Variants in PHACTR1 observed in about 807,000 individuals in gnomAD.
The protein encoded by PHACTR1 is RPEL repeat containing 1.
A neutral mutation model predicts 69.2 loss-of-function variants in PHACTR1; 16 were observed. The observed-to-expected ratio is 0.23, with a 90% confidence interval of 0.16 to 0.35. The LOEUF (loss-of-function observed/expected upper bound fraction) is 0.35, where lower values mean the gene tolerates loss of function less well. Among genes scored for constraint, PHACTR1 ranks in the 10% least tolerant of loss-of-function variants. The pLI is 1.00. For synonymous variants in PHACTR1, 312 were observed against 284.5 expected (o/e 1.10, Z -0.97); for missense variants, 510 against 734.7 (o/e 0.69, Z 3.54).
chr6:13,250,260 A>G (rs1296172079), intron 10 of PHACTR1, among the ~76,000 whole-genome samples: 1 of 152,248 alleles, frequency 6.6e-6, no homozygotes, highest in Non-Finnish European at 1.5e-5. Context: ...CTATTTAGAA[A>G]GTGCATGTGC....
chr6:13,170,466 T>G lies in PHACTR1; in HGVS notation c.496+10182T>G, dbSNP rs1760438585. 3.9e-5 allele frequency among the ~76,000 whole-genome samples: 6 copies of G among 152,300 alleles called. No homozygotes were observed. The South Asian group carries it at 1.2e-3, about 32-fold the overall frequency. ...ATGCCTCATCCACATGTCCCCGGCC[T>G]TCCAATGCTCTATTACTCCCCAGCC... On this transcript the variant is annotated intron_variant, in intron 6 of 14. Transcript: ENST00000332995.
chr6:12,976,913 T>C (rs552814919), intron 4 of PHACTR1, among the ~76,000 whole-genome samples: 1 of 152,342 alleles, frequency 6.6e-6, no homozygotes, highest in Non-Finnish European at 1.5e-5. Flanking sequence ...AATTTTATTA[T>C]AGATATGTAT....
At chr6:13,063,111 G>T (rs1348393389) in intron 5 of PHACTR1, among the ~76,000 whole-genome samples, 4 of 152,090 alleles carry the variant, frequency 2.6e-5, no homozygotes, top group African/African-American at 4.8e-5. Context: ...ATTCATAAAG[G>T]ATACCAGCTT....
chr6:12,909,642 G>A (rs7454157), intron 4 of PHACTR1, among the ~76,000 whole-genome samples: 64,377 of 151,998 alleles, frequency 0.42, 14,739 homozygotes, highest in African/African-American at 0.59. Flanking sequence ...AAATACAATG[G>A]CCCATGTATC....
chr6:13,077,619 T>C (rs1203880443), intron 5 of PHACTR1, among the ~76,000 whole-genome samples: 4 of 152,174 alleles, frequency 2.6e-5, no homozygotes, highest in Non-Finnish European at 5.9e-5. Flanking sequence ...TTCATTCCAC[T>C]GGAGGCTTTT....
chr6:13,042,006 G>A (rs1374767062), intron 4 of PHACTR1, among the ~76,000 whole-genome samples: 1 of 152,078 alleles, frequency 6.6e-6, no homozygotes, highest in Admixed American at 6.5e-5. Context: ...CCTTAATGGT[G>A]TCCCACAAAA....
chr6:13,110,894 G>T (rs1314908365), intron 5 of PHACTR1, among the ~76,000 whole-genome samples: 1 of 152,102 alleles, frequency 6.6e-6, no homozygotes, highest in Non-Finnish European at 1.5e-5. Flanking sequence ...TTCCTGCAGA[G>T]TTTTGTGCCC....
intron 4 of PHACTR1, among the ~76,000 whole-genome samples, chr6:12,914,770 A>G (rs1031814185): frequency 6.6e-6 from 1 of 152,200 alleles, no homozygotes; most frequent in Admixed American, 6.5e-5. Context: ...TGGAGTAACT[A>G]TAAAGAGGAC....
intron 5 of PHACTR1, among the ~76,000 whole-genome samples, chr6:13,109,237 C>A (rs1287070648): frequency 5.3e-5 from 8 of 151,838 alleles, no homozygotes; most frequent in African/African-American, 1.9e-4. Context: ...TTCCATCCTG[C>A]TTTTTATTTT....
intron 10 of PHACTR1, among the ~76,000 whole-genome samples, chr6:13,256,350 G>A (rs1298121683): frequency 6.6e-6 from 1 of 152,224 alleles, no homozygotes; most frequent in Non-Finnish European, 1.5e-5. Context: ...TCTCTGAAGT[G>A]GCTTCCAGGT....
intron 4 of PHACTR1, among the ~76,000 whole-genome samples, chr6:12,816,472 A>G (rs1245311598): frequency 2.0e-5 from 3 of 152,200 alleles, no homozygotes; most frequent in Admixed American, 1.3e-4. Flanking sequence ...CTAGGGGAAG[A>G]ATCATTACTC....
intron 11 of PHACTR1, chr6:13,274,686 C>A (rs1778518517): frequency 6.6e-6 from 1 of 152,210 alleles, no homozygotes; most frequent in East Asian, 1.9e-4. Context: ...GATATCAGAT[C>A]CCCGCTGTGG....
chr6:13,105,338 C>T (rs1815923612), intron 5 of PHACTR1, among the ~76,000 whole-genome samples: 1 of 151,958 alleles, frequency 6.6e-6, no homozygotes, highest in Non-Finnish European at 1.5e-5. Context: ...ATGATTATGC[C>T]ACTGCATTCC....
chr6:12,858,952 G>T (rs2127421576), intron 4 of PHACTR1, among the ~76,000 whole-genome samples: 1 of 152,228 alleles, frequency 6.6e-6, no homozygotes, highest in East Asian at 1.9e-4. Flanking sequence ...TGGATATTAT[G>T]ATGTCAGTTT....
chr6:12,864,402 C>T (rs557271649), intron 4 of PHACTR1, among the ~76,000 whole-genome samples: 12 of 152,276 alleles, frequency 7.9e-5, no homozygotes, highest in Admixed American at 1.3e-4. Flanking sequence ...AAAATCAGGT[C>T]GGGCGCCCTG....
intron 4 of PHACTR1, among the ~76,000 whole-genome samples, chr6:12,834,457 G>A (rs570985273): frequency 1.2e-3 from 188 of 152,206 alleles, no homozygotes; most frequent in African/African-American, 4.4e-3. Flanking sequence ...AAAGTGAAAT[G>A]GCAGTGTTAT....
At chr6:13,020,229 A>G (rs1800771721) in intron 4 of PHACTR1, among the ~76,000 whole-genome samples, 1 of 152,220 alleles carries the variant, frequency 6.6e-6, no homozygotes, top group African/African-American at 2.4e-5. Flanking sequence ...AGCCCAGGGG[A>G]AAAAATCAGC....
At chr6:13,190,198 A>ATTTTTTTTTTTTTTTTTTTTTTTTTT (rs1215055032) in intron 7 of PHACTR1, among the ~76,000 whole-genome samples, 1 of 87,266 alleles carries the variant, frequency 1.1e-5, no homozygotes, top group Non-Finnish European at 2.1e-5. Flanking sequence ...TAATTTTTGT[A>ATTTTTTTTTTTTTTTTTTTTTTTTTT]TTTTTTTTTT....
chr6:13,025,671 T>TTGTG (rs60800778), intron 4 of PHACTR1, among the ~76,000 whole-genome samples: 5,351 of 140,256 alleles, frequency 0.038, 162 homozygotes, highest in South Asian at 0.12. Flanking sequence ...CATATATTAT[T>TTGTG]TGTGTGTGTG....
Sources: allele counts gnomAD v4.1 joint callset (sites outside exome capture counted in the v4.1 genomes callset), GRCh38; gene constraint gnomAD v4.1.1; transcripts MANE v1.5; gene names NCBI Gene and HGNC (gene_info 2026-07-23, HGNC 2026-07-21).